The following DDX6 variants were observed in gnomAD, a reference collection of about 807,000 sequenced individuals.
DDX6 encodes the protein probable ATP-dependent RNA helicase DDX6.
In DDX6, 7 loss-of-function variants were observed where a neutral mutation model predicts 60.6. The observed-to-expected ratio is 0.12, with a 90% confidence interval of 0.07 to 0.22. The LOEUF is 0.22. Among genes scored for constraint, DDX6 ranks in the 10% least tolerant of loss-of-function variants. The pLI, the probability that DDX6 is intolerant of heterozygous loss-of-function variation, is 1.00. For missense variants in DDX6, 270 were observed against 589.9 expected (o/e 0.46, Z 5.62); for synonymous variants, 207 against 201.0 (o/e 1.03, Z -0.25).
Position 118,751,395 on chromosome 11 carries a change from G to T in DDX6, c.*710C>A, listed in dbSNP as rs1757191165. On this transcript the variant is annotated 3_prime_UTR_variant, in exon 14 of 14. Transcript: ENST00000534980. Reference sequence around the variant, plus strand: ...TTTAAATACATGTATTTACAGTGCGGATGAACTGCAGTTGCATATCAACTC... The same window carrying T: ...TTTAAATACATGTATTTACAGTGCGTATGAACTGCAGTTGCATATCAACTC... The T allele has an allele frequency of 6.6e-6, 1 of 151,564 alleles. No individual in the cohort carries two copies. Among genetic ancestry groups the T allele is most frequent in the Non-Finnish European group, 1.5e-5 (1 of 67,942 alleles). 9.4% of individuals were successfully genotyped at this position (151,564 alleles called of 1,614,324 possible).
intron 1 of DDX6, chr11:118,789,773 G>A (rs553421852): frequency 6.6e-6 from 1 of 152,296 alleles, no homozygotes; most frequent in South Asian, 2.1e-4. Flanking sequence ...TGCACAGTAA[G>A]ACCTCCTATA....
At chr11:118,766,239 C>A (rs1251969515) in intron 5 of DDX6, among the ~76,000 whole-genome samples, 1 of 150,858 alleles carries the variant, frequency 6.6e-6, no homozygotes, top group Non-Finnish European at 1.5e-5. Flanking sequence ...CCAGCCTGGG[C>A]AACATAGCAA....
chr11:118,755,028 G>C, intron 12 of DDX6, 141 bp from the exon 13 acceptor site: 1 of 779,708 alleles, frequency 1.3e-6, no homozygotes. Context: ...ACTTCTTAAT[G>C]GTCTTCAAAC....
At chr11:118,790,178 T>G (rs1467594034) in intron 1 of DDX6, 1 of 152,104 alleles carries the variant, frequency 6.6e-6, no homozygotes, top group East Asian at 1.9e-4. Flanking sequence ...AGGAGAGAGA[T>G]ACGGGAAAGA....
chr11:118,766,912 A>G (rs1555161363), intron 5 of DDX6, among the ~76,000 whole-genome samples: 7 of 151,828 alleles, frequency 4.6e-5, no homozygotes, highest in Non-Finnish European at 4.4e-5. Flanking sequence ...TTTGAGACAG[A>G]TCTCGCTCTG....
At chr11:118,775,800 A>T (rs1861678099) in intron 4 of DDX6, among the ~76,000 whole-genome samples, 1 of 152,234 alleles carries the variant, frequency 6.6e-6, no homozygotes, top group African/African-American at 2.4e-5. Context: ...AAATTTTAAT[A>T]CAAGGTAAGA....
In DDX6 at chr11:118,763,176, TACAGA is replaced by T. The variant is rs201342141; in HGVS notation, c.741+31_741+35del. 135 of 1,452,776 alleles carry T rather than the reference TACAGA, an allele frequency of 9.3e-5. 1 individual carries two copies. In the East Asian group the frequency reaches 2.7e-3, roughly 29 times the overall value. The allele number at this position is 1,452,776 out of a possible 1,614,324, so 90.0% of individuals were successfully genotyped here. A position where few individuals can be genotyped will look rare whatever the true frequency, so the allele number is the denominator to read the frequency against. On this transcript the variant is annotated intron_variant, in intron 7 of 13. Coordinates refer to ENST00000534980, the MANE Select transcript of DDX6 (RefSeq NM_004397.6). ...CAGTTATAAGCAAAGCACAGAAAAG[TACAGA>T]ACAGTATAATGCCAAATGAAGAGAC...
intron 4 of DDX6, among the ~76,000 whole-genome samples, chr11:118,770,119 T>C (rs11217021): frequency 0.22 from 33,993 of 151,592 alleles, 3,925 homozygotes; most frequent in South Asian, 0.32. Flanking sequence ...TTTCGCCTCC[T>C]GGTTCAGGCG....
chr11:118,758,127 T>C (rs1555159388), intron 9 of DDX6, among the ~76,000 whole-genome samples: 1 of 152,210 alleles, frequency 6.6e-6, no homozygotes, highest in East Asian at 1.9e-4. Context: ...TTTGCCACAC[T>C]GTACACGTCC....
intron 2 of DDX6, 45 bp downstream of exon 2, chr11:118,786,007 T>C: frequency 6.4e-7 from 1 of 1,563,566 alleles, no homozygotes; most frequent in African/African-American, 1.4e-5. Flanking sequence ...AACACAAATC[T>C]TGGTTCCCCA....
In DDX6 at chr11:118,781,304, A is replaced by G; in HGVS notation, c.201-120T>C. ...GTAAGTTTAATATATTCCATTTAAT[A>G]TATCTAACAAGATAATTAAACAACT... On this transcript the variant is annotated intron_variant, in intron 2 of 13. Transcript: ENST00000534980. 10 of 612,610 alleles carry G rather than the reference A, an allele frequency of 1.6e-5. No homozygotes were observed. The South Asian group carries it at 2.0e-4, about 12-fold the overall frequency. The allele number at this position is 612,610 out of a possible 1,614,324, so 37.9% of individuals were successfully genotyped here.
intron 11 of DDX6, 139 bp downstream of exon 11, chr11:118,756,121 T>C (rs1591885064): frequency 6.5e-6 from 4 of 618,322 alleles, no homozygotes; most frequent in Non-Finnish European, 1.1e-5. Context: ...CAAGAGTTCA[T>C]TTTCAACTTC....
chr11:118,761,309 C>T (rs1365707492), intron 7 of DDX6, among the ~76,000 whole-genome samples: 1 of 151,890 alleles, frequency 6.6e-6, no homozygotes, highest in Non-Finnish European at 1.5e-5. Context: ...AACTACTTTA[C>T]CGGGATTTAG....
chr11:118,783,359 CT>C (rs1861966207), intron 2 of DDX6, among the ~76,000 whole-genome samples: 1 of 152,166 alleles, frequency 6.6e-6, no homozygotes, highest in African/African-American at 2.4e-5. Flanking sequence ...TCACTGCAGC[CT>C]TTATTATTTG....
At chr11:118,753,848 C>T (rs1860870686) in intron 13 of DDX6, among the ~76,000 whole-genome samples, 2 of 151,992 alleles carry the variant, frequency 1.3e-5, no homozygotes, top group African/African-American at 2.4e-5. Context: ...TCCCAGCCTC[C>T]CTTTAGGAGG....
At chr11:118,789,505 CT>C (rs1462506115) in intron 1 of DDX6, 2 of 152,034 alleles carry the variant, frequency 1.3e-5, no homozygotes, top group East Asian at 3.8e-4. Flanking sequence ...GAAAATGCTC[CT>C]TGATTATGCC....
At chr11:118,761,996 C>T (rs531459578) in intron 7 of DDX6, among the ~76,000 whole-genome samples, 37 of 152,076 alleles carry the variant, frequency 2.4e-4, no homozygotes, top group African/African-American at 8.4e-4. Flanking sequence ...CAAACCAGGC[C>T]GGGCGTGGTG....
chr11:118,777,620 T>C (rs1489537881), intron 4 of DDX6, among the ~76,000 whole-genome samples: 2 of 152,090 alleles, frequency 1.3e-5, no homozygotes, highest in African/African-American at 4.8e-5. Flanking sequence ...CCGGGTACGA[T>C]GGCTCACATC....
intron 1 of DDX6, among the ~76,000 whole-genome samples, chr11:118,790,582 C>G (rs1862238944): frequency 6.6e-6 from 1 of 152,092 alleles, no homozygotes; most frequent in Non-Finnish European, 1.5e-5. Context: ...CACCATCATC[C>G]CCCTAAGTCC....
Sources: allele counts gnomAD v4.1 joint callset (sites outside exome capture counted in the v4.1 genomes callset), GRCh38; gene constraint gnomAD v4.1.1; transcripts MANE v1.5; gene names NCBI Gene and HGNC (gene_info 2026-07-23, HGNC 2026-07-21).